The following PPP3CA variants were observed in gnomAD, a reference collection of about 807,000 sequenced individuals.
The protein encoded by PPP3CA is protein phosphatase 3 catalytic subunit alpha.
A neutral mutation model predicts 66.5 loss-of-function variants in PPP3CA; 14 were observed. That is an observed-to-expected ratio of 0.21 (90% CI 0.14 to 0.33). PPP3CA has a LOEUF of 0.33. PPP3CA is among the 10% of genes least tolerant of loss of function. The probability of loss-of-function intolerance (pLI) is 1.00; values close to 1 mark genes in which losing one functional copy is unlikely to be tolerated. For synonymous variants in PPP3CA, 232 were observed against 226.2 expected, an observed-to-expected ratio of 1.03 and a Z score of -0.23; for missense variants, 317 against 639.5, an observed-to-expected ratio of 0.50 and a Z score of 5.44.
At chr4:101,160,105 A>G (rs539317988) in intron 2 of PPP3CA, among the ~76,000 whole-genome samples, 2 of 152,274 alleles carry the variant, frequency 1.3e-5, no homozygotes, top group Admixed American at 1.3e-4. Flanking sequence ...AGTAAAATAT[A>G]AAAGTATGGT....
At chr4:101,225,834 G>C (rs1292420922) in intron 1 of PPP3CA, among the ~76,000 whole-genome samples, 1 of 151,724 alleles carries the variant, frequency 6.6e-6, no homozygotes, top group Non-Finnish European at 1.5e-5. Context: ...TTGTGTCAAT[G>C]TACTTTAAAA....
At chr4:101,161,813 T>C (rs539425542) in intron 2 of PPP3CA, among the ~76,000 whole-genome samples, 1 of 152,288 alleles carries the variant, frequency 6.6e-6, no homozygotes, top group African/African-American at 2.4e-5. Flanking sequence ...GGCCAGTGTC[T>C]ACACTAGCAT....
At chr4:101,341,794 G>GA (rs909163837) in intron 1 of PPP3CA, among the ~76,000 whole-genome samples, 3 of 151,998 alleles carry the variant, frequency 2.0e-5, no homozygotes, top group Non-Finnish European at 2.9e-5. Flanking sequence ...AAAGTTGCTG[G>GA]AAAAAAATTG....
intron 3 of PPP3CA, chr4:101,108,279 C>T (rs1721505555): frequency 6.6e-6 from 1 of 152,210 alleles, no homozygotes; most frequent in Non-Finnish European, 1.5e-5. Context: ...AGGTAAGTTA[C>T]TGTCTCACAA....
intron 5 of PPP3CA, among the ~76,000 whole-genome samples, chr4:101,095,916 C>T (rs1266470793): frequency 1.3e-5 from 2 of 152,126 alleles, no homozygotes; most frequent in African/African-American, 4.8e-5. Context: ...TCCCAAAGTG[C>T]TGGGATTACA....
chr4:101,097,812 C>A (rs756187837), intron 5 of PPP3CA, among the ~76,000 whole-genome samples: 1 of 152,140 alleles, frequency 6.6e-6, no homozygotes, highest in African/African-American at 2.4e-5. Context: ...ATAGCCAATG[C>A]TAAACTGGAG....
intron 1 of PPP3CA, among the ~76,000 whole-genome samples, chr4:101,290,578 G>A (rs915905408): frequency 9.9e-5 from 15 of 152,264 alleles, no homozygotes; most frequent in African/African-American, 2.6e-4. Flanking sequence ...GCTGGACAGC[G>A]GATGGAGCAG....
chr4:101,273,396 T>A (rs1727393294), intron 1 of PPP3CA, among the ~76,000 whole-genome samples: 1 of 152,164 alleles, frequency 6.6e-6, no homozygotes, highest in African/African-American at 2.4e-5. Flanking sequence ...GCGCAGGCTC[T>A]ACTCACTGCA....
intron 1 of PPP3CA, among the ~76,000 whole-genome samples, chr4:101,264,063 A>T (rs1487894138): frequency 1.3e-5 from 2 of 152,180 alleles, no homozygotes; most frequent in Non-Finnish European, 2.9e-5. Flanking sequence ...ACAGTACTTA[A>T]ATTAGCAATT....
chr4:101,249,563 A>G (rs1376031060), intron 1 of PPP3CA, among the ~76,000 whole-genome samples: 2 of 152,150 alleles, frequency 1.3e-5, no homozygotes, highest in Admixed American at 6.5e-5. Flanking sequence ...ATAAGGAGTT[A>G]ATATTTTGTG....
intron 2 of PPP3CA, among the ~76,000 whole-genome samples, chr4:101,135,041 G>A (rs1447417739): frequency 6.6e-6 from 1 of 152,060 alleles, no homozygotes; most frequent in Non-Finnish European, 1.5e-5. Flanking sequence ...GGCACAAGGA[G>A]GGGAACATCA....
chr4:101,307,970 G>A (rs938409751), intron 1 of PPP3CA, among the ~76,000 whole-genome samples: 3 of 152,102 alleles, frequency 2.0e-5, no homozygotes, highest in Non-Finnish European at 2.9e-5. Context: ...TCTGTTACCC[G>A]AAATAATTAG....
intron 2 of PPP3CA, among the ~76,000 whole-genome samples, chr4:101,137,534 T>C (rs138921520): frequency 1.3e-5 from 2 of 152,154 alleles, no homozygotes; most frequent in African/African-American, 2.4e-5. Flanking sequence ...AGCTTCTCTG[T>C]GGAGCACCTC....
Position 101,324,160 on chromosome 4 carries a change from GGAAGGAAGGAAGGA to G in PPP3CA, c.58+22565_58+22578del, listed in dbSNP as rs1729133615. 2.5e-3 allele frequency among the ~76,000 whole-genome samples: 205 copies of G among 82,428 alleles called. 4 individuals carry two copies. The highest frequency in any genetic ancestry group is 9.2e-3 in the African/African-American group (193 of 20,952). The allele number at this position is 82,428 out of a possible 152,430, so 54.1% of individuals were successfully genotyped here. On this transcript the variant is annotated intron_variant, in intron 1 of 13. Transcript: ENST00000394854. ...GGAAGGGAAGGAAGGGAGGGAGGAAGGAAGGAAGGAAGGAAGGAAGGAAGGAAGGAAGGAAGGAA... is the reference window on the plus strand; with the variant it reads ...GGAAGGGAAGGAAGGGAGGGAGGAAGAGGAAGGAAGGAAGGAAGGAAGGAA...
At chr4:101,165,137 C>T (rs146245302) in intron 2 of PPP3CA, among the ~76,000 whole-genome samples, 322 of 152,214 alleles carry the variant, frequency 2.1e-3, no homozygotes, top group African/African-American at 7.3e-3. Flanking sequence ...GCAGCAATAA[C>T]AACAACAGCA....
At chr4:101,051,598 C>T (rs919315817) in intron 10 of PPP3CA, among the ~76,000 whole-genome samples, 3 of 152,114 alleles carry the variant, frequency 2.0e-5, no homozygotes, top group African/African-American at 7.2e-5. Flanking sequence ...TATCTCAACC[C>T]TGTTTGCGAG....
At chr4:101,179,072 A>G (rs1724155289) in intron 2 of PPP3CA, among the ~76,000 whole-genome samples, 1 of 151,954 alleles carries the variant, frequency 6.6e-6, no homozygotes, top group Admixed American at 6.6e-5. Context: ...TCCCTTCATC[A>G]TATTTGACTC....
intron 3 of PPP3CA, among the ~76,000 whole-genome samples, 157 bp from the exon 4 acceptor site, chr4:101,099,879 T>G (rs567144003): frequency 7.5e-4 from 114 of 151,962 alleles, no homozygotes; most frequent in African/African-American, 2.7e-3. Context: ...GACAATCAAA[T>G]AGGAAACATT....
chr4:101,186,380 G>C (rs1240096067), intron 2 of PPP3CA, among the ~76,000 whole-genome samples: 2 of 151,994 alleles, frequency 1.3e-5, no homozygotes, highest in East Asian at 3.9e-4. Flanking sequence ...ACACTTTGTT[G>C]GTAGTTCCAT....
Sources: gnomAD v4.1 joint callset for allele counts (sites outside exome capture counted in the v4.1 genomes callset) on GRCh38, gnomAD v4.1.1 for gene constraint, MANE v1.5 for transcripts, NCBI Gene and HGNC (gene_info 2026-07-23, HGNC 2026-07-21) for gene names.